Variants in SYT17 observed in about 807,000 individuals in gnomAD.
SYT17 encodes synaptotagmin 17.
A neutral mutation model predicts 46.7 loss-of-function variants in SYT17; 22 were observed. That is an observed-to-expected ratio of 0.47 (90% CI 0.34 to 0.67). The LOEUF (loss-of-function observed/expected upper bound fraction) is 0.67, where lower values mean the gene tolerates loss of function less well. Among genes scored for constraint, SYT17 ranks in the 30% least tolerant of loss-of-function variants. The probability of loss-of-function intolerance (pLI) is 0.01; values close to 1 mark genes in which losing one functional copy is unlikely to be tolerated. For synonymous variants in SYT17, 251 were observed against 248.4 expected (o/e 1.01, Z -0.10); for missense variants, 519 against 612.8 (o/e 0.85, Z 1.62).
chr16:19,256,600 G>A lies in SYT17; in HGVS notation c.1229-10280G>A, dbSNP rs1332554530. ...TATTATTATTATTATTATTATTGAGGCAGGGTCTTACTCTTTCGACCAGGC... is the reference window on the plus strand; with the variant it reads ...TATTATTATTATTATTATTATTGAGACAGGGTCTTACTCTTTCGACCAGGC... On this transcript the variant is annotated intron_variant, in intron 7 of 7. Transcript: ENST00000355377. 4.0e-5 allele frequency among the ~76,000 whole-genome samples: 6 copies of A among 148,416 alleles called. No homozygotes were observed. In the East Asian group the frequency reaches 1.2e-3, roughly 29 times the overall value.
At chr16:19,258,508 G>A (rs1968738149) in intron 7 of SYT17, among the ~76,000 whole-genome samples, 1 of 152,062 alleles carries the variant, frequency 6.6e-6, no homozygotes, top group Non-Finnish European at 1.5e-5. Flanking sequence ...CAGGCATGGT[G>A]GTGCATACCT....
intron 7 of SYT17, chr16:19,249,794 G>A (rs1241021172): frequency 9.8e-6 from 7 of 717,430 alleles, no homozygotes; most frequent in Non-Finnish European, 1.5e-5. Context: ...TCAGGCCCTG[G>A]TTGGTGTTTC....
At chr16:19,253,167 G>A (rs902076484) in intron 7 of SYT17, among the ~76,000 whole-genome samples, 7 of 152,162 alleles carry the variant, frequency 4.6e-5, no homozygotes, top group Admixed American at 4.6e-4. Context: ...GCTGTTTGTG[G>A]CTGCTTTCTG....
chr16:19,259,372 G>C (rs1968803594), intron 7 of SYT17, among the ~76,000 whole-genome samples: 1 of 152,096 alleles, frequency 6.6e-6, no homozygotes, highest in Non-Finnish European at 1.5e-5. Context: ...CCATTCAGCA[G>C]GCATCCTAAT....
At chr16:19,264,330 C>A (rs528519476) in intron 7 of SYT17, among the ~76,000 whole-genome samples, 7 of 152,284 alleles carry the variant, frequency 4.6e-5, no homozygotes, top group South Asian at 2.1e-4. Context: ...TCCAATAAAA[C>A]TTTATTTACA....
rs143249463 is a variant in SYT17 at position 19,268,001 on chromosome 16, A to C, written c.*925A>C. The C allele has an allele frequency of 6.6e-6, 1 of 151,922 alleles. No individual in the cohort carries two copies. Among genetic ancestry groups the C allele is most frequent in the East Asian group, 1.9e-4 (1 of 5,148 alleles). The allele number at this position is 151,922 out of a possible 1,614,324, so 9.4% of individuals were successfully genotyped here. A position where few individuals can be genotyped will look rare whatever the true frequency, so the allele number is the denominator to read the frequency against. On this transcript the variant is annotated 3_prime_UTR_variant, in exon 8 of 8. Coordinates refer to ENST00000355377, the MANE Select transcript of SYT17 (RefSeq NM_016524.4). ...AGTAAATAGGATATGATAGAGCAAA[A>C]GTAACATTTTTTGACCGAATCATGG...
At chr16:19,180,158 C>T in intron 3 of SYT17, 1 of 509,106 alleles carries the variant, frequency 2.0e-6, no homozygotes, top group Non-Finnish European at 3.5e-6. Flanking sequence ...TATGCAAGTT[C>T]TTGACAGATT....
intron 5 of SYT17, chr16:19,211,306 C>G: frequency 1.5e-6 from 1 of 659,510 alleles, no homozygotes; most frequent in Non-Finnish European, 2.8e-6. Flanking sequence ...GGTGGAACAT[C>G]GTGCTGACAA....
intron 4 of SYT17, among the ~76,000 whole-genome samples, chr16:19,180,886 C>T (rs1461343638): frequency 6.6e-6 from 1 of 152,106 alleles, no homozygotes; most frequent in Non-Finnish European, 1.5e-5. Flanking sequence ...ATTCTGGTGA[C>T]TTTGGGAGCT....
intron 3 of SYT17, among the ~76,000 whole-genome samples, chr16:19,175,804 A>C (rs1034667769): frequency 2.6e-5 from 4 of 152,240 alleles, no homozygotes; most frequent in Non-Finnish European, 5.9e-5. Context: ...GTTGACTGAC[A>C]GACTATCCTG....
At chr16:19,258,407 G>A (rs1286599996) in intron 7 of SYT17, among the ~76,000 whole-genome samples, 3 of 152,122 alleles carry the variant, frequency 2.0e-5, no homozygotes, top group African/African-American at 7.2e-5. Flanking sequence ...TCAGGAGGCT[G>A]AGGCAGGCGA....
chr16:19,180,521 C>T lies in SYT17; in HGVS notation c.313C>T (p.Leu105=), dbSNP rs754484881. The part of the protein sequence containing the change: ...SSDTSKSTYS[L]TRRISSLESR... ...AGACACATCCAAGTCTACATACAGC[C>T]TGACGCGGAGGATTTCGAGTAAGTA... Residue 105 remains leucine (L), a synonymous_variant, in exon 4 of 8, where the codon CTG becomes TTG. Coordinates refer to ENST00000355377, the MANE Select transcript of SYT17 (RefSeq NM_016524.4). 1.4e-5 allele frequency: 22 copies of T among 1,614,074 alleles called. No homozygotes were observed. In the Admixed American group the frequency reaches 3.5e-4, roughly 26 times the overall value.
At chr16:19,195,956 G>C (rs1005461441) in intron 5 of SYT17, among the ~76,000 whole-genome samples, 1 of 152,120 alleles carries the variant, frequency 6.6e-6, no homozygotes, top group African/African-American at 2.4e-5. Flanking sequence ...CTGCACTCCA[G>C]CCTGGGTGAC....
intron 1 of SYT17, chr16:19,170,056 G>A (rs916305428): frequency 1.3e-5 from 2 of 152,174 alleles, no homozygotes; most frequent in African/African-American, 4.8e-5. Flanking sequence ...ATATGGCGAT[G>A]ACCCAGTGAT....
At chr16:19,169,080 G>C (rs1483980732) in intron 1 of SYT17, among the ~76,000 whole-genome samples, 1 of 151,978 alleles carries the variant, frequency 6.6e-6, no homozygotes, top group African/African-American at 2.4e-5. Flanking sequence ...CCGGCGGAGC[G>C]AGCCTGAGGC....
At chr16:19,218,745 C>T (rs1429563825) in intron 5 of SYT17, among the ~76,000 whole-genome samples, 2 of 152,222 alleles carry the variant, frequency 1.3e-5, no homozygotes, top group Non-Finnish European at 2.9e-5. Context: ...GGCAGAGCCC[C>T]TGGGATCAAC....
intron 5 of SYT17, among the ~76,000 whole-genome samples, chr16:19,199,946 A>C (rs145586309): frequency 6.6e-6 from 1 of 152,358 alleles, no homozygotes; most frequent in East Asian, 1.9e-4. Context: ...TAATTCCCAC[A>C]ACAACCATAT....
rs185722411 is a variant in SYT17, at chr16:19,178,159, T to C, written c.183-2232T>C. ...AGTGCAGTGGTGCAATCTCGCTCAC[T>C]GCAAGCTCTGCCTCCCGGGTTCATG... On this transcript the variant is annotated intron_variant, in intron 3 of 7. Transcript: ENST00000355377. Among the ~76,000 whole-genome samples the C allele has an allele frequency of 3.2e-3, 494 of 152,126 alleles. 3 individuals are homozygous for C. Among genetic ancestry groups the C allele is most frequent in the African/African-American group, 0.011 (477 of 41,498 alleles).
At position 19,243,734 on chromosome 16, in the gene SYT17, C is replaced by T. The variant is rs1403444850; in HGVS notation, c.1228+18896C>T. 2.1e-5 allele frequency among the ~76,000 whole-genome samples: 3 copies of T among 145,274 alleles called. No individual in the cohort carries two copies. In the East Asian group the frequency reaches 6.2e-4, roughly 30 times the overall value. On this transcript the variant is annotated intron_variant, in intron 7 of 7. Coordinates refer to ENST00000355377, the MANE Select transcript of SYT17 (RefSeq NM_016524.4). ...TCGGGAGGCTGAGGCAGGAGAATCACTTGAATCTGGGAGGCAGAGGTTGTG... is the reference window on the plus strand; with the variant it reads ...TCGGGAGGCTGAGGCAGGAGAATCATTTGAATCTGGGAGGCAGAGGTTGTG...
Sources: gnomAD v4.1 joint callset for allele counts (sites outside exome capture counted in the v4.1 genomes callset) on GRCh38, gnomAD v4.1.1 for gene constraint, MANE v1.5 for transcripts, NCBI Gene and HGNC (gene_info 2026-07-23, HGNC 2026-07-21) for gene names.